CTNNA1: variants seen among roughly 807,000 people sequenced by gnomAD.
CTNNA1 encodes catenin alpha-1.
Under a neutral mutation model 98.4 loss-of-function variants are expected in CTNNA1, and 37 were observed. The ratio of observed to expected loss-of-function variants is 0.38; its 90% CI spans 0.29 to 0.49. The LOEUF is 0.49. Among genes scored for constraint, CTNNA1 ranks in the 20% least tolerant of loss-of-function variants. The pLI, the probability that CTNNA1 is intolerant of heterozygous loss-of-function variation, is 0.95. For missense variants in CTNNA1, 761 were observed against 1,147.2 expected (o/e 0.66, Z 4.86); for synonymous variants, 404 against 413.2 (o/e 0.98, Z 0.27).
At chr5:138,808,695 TA>T (rs3840113) in intron 3 of CTNNA1, among the ~76,000 whole-genome samples, 15 of 147,008 alleles carry the variant, frequency 1.0e-4, no homozygotes, top group East Asian at 4.0e-4. Context: ...GAAAGTGCCT[TA>T]AAAAAAAAAA....
chr5:138,772,642 A>C (rs1482001124), intron 1 of CTNNA1, among the ~76,000 whole-genome samples: 1 of 152,230 alleles, frequency 6.6e-6, no homozygotes, highest in Non-Finnish European at 1.5e-5. Context: ...GGATATAAAG[A>C]AACATAGGCA....
At chr5:138,820,243 G>C (rs145877403) in intron 5 of CTNNA1, among the ~76,000 whole-genome samples, 38 of 152,076 alleles carry the variant, frequency 2.5e-4, no homozygotes, top group African/African-American at 8.4e-4. Context: ...CCAATTGGTT[G>C]TGATAGTTTG....
chr5:138,770,077 C>T (rs1007116064), intron 1 of CTNNA1, among the ~76,000 whole-genome samples: 8 of 152,080 alleles, frequency 5.3e-5, no homozygotes, highest in South Asian at 4.1e-4. Flanking sequence ...TCAAGTGATC[C>T]GCCTGCCTTG....
At chr5:138,849,113 A>G (rs376150338) in intron 7 of CTNNA1, among the ~76,000 whole-genome samples, 441 of 152,296 alleles carry the variant, frequency 2.9e-3, no homozygotes, top group African/African-American at 0.01. Flanking sequence ...TGAGTTTTGT[A>G]TAGGCATCTC....
intron 10 of CTNNA1, among the ~76,000 whole-genome samples, chr5:138,917,536 TTTG>T (rs2150232095): frequency 1.0e-5 from 1 of 95,246 alleles, no homozygotes; most frequent in South Asian, 3.7e-4. Flanking sequence ...ACAGTTTTTA[TTTG>T]TTTTATCATT....
chr5:138,807,149 T>C (rs776790383), intron 3 of CTNNA1, among the ~76,000 whole-genome samples: 3 of 151,936 alleles, frequency 2.0e-5, no homozygotes, highest in Non-Finnish European at 4.4e-5. Context: ...TAACTGGGAT[T>C]ACAGGCACCT....
intron 13 of CTNNA1, 21 bp downstream of exon 13, chr5:138,925,428 C>T (rs761655211): frequency 2.2e-5 from 36 of 1,609,306 alleles, no homozygotes; most frequent in South Asian, 4.4e-5. Flanking sequence ...GCATTTCAGA[C>T]GTCTTAACAG....
chr5:138,895,459 A>AT (rs938016682), intron 9 of CTNNA1, among the ~76,000 whole-genome samples: 3 of 149,076 alleles, frequency 2.0e-5, no homozygotes, highest in South Asian at 2.1e-4. Flanking sequence ...AAATTTGGAG[A>AT]TTTTTTTTGA....
intron 9 of CTNNA1, among the ~76,000 whole-genome samples, chr5:138,894,644 A>G (rs1170823711): frequency 7.9e-6 from 1 of 127,196 alleles, no homozygotes; most frequent in Non-Finnish European, 1.7e-5. Context: ...CAGCCTCCTG[A>G]TTATGATTAT....
chr5:138,879,947 C>T (rs1752533979), intron 7 of CTNNA1, among the ~76,000 whole-genome samples: 1 of 152,152 alleles, frequency 6.6e-6, no homozygotes, highest in African/African-American at 2.4e-5. Context: ...GGGGAAGTTT[C>T]AGGGTCAGAA....
chr5:138,893,072 C>G (rs931173695), intron 9 of CTNNA1, among the ~76,000 whole-genome samples: 5 of 152,176 alleles, frequency 3.3e-5, no homozygotes, highest in African/African-American at 1.2e-4. Context: ...GGCTCTTGTA[C>G]TTTTGTTGAT....
At chr5:138,863,383 G>A (rs1387919189) in intron 7 of CTNNA1, among the ~76,000 whole-genome samples, 1 of 151,994 alleles carries the variant, frequency 6.6e-6, no homozygotes, top group Non-Finnish European at 1.5e-5. Flanking sequence ...CTACAGGCAA[G>A]TGTCACTACA....
chr5:138,930,568 G>T lies in CTNNA1; in HGVS notation c.2106G>T (p.Val702=), dbSNP rs1304220742. 1 of 1,613,930 alleles carries T rather than the reference G, an allele frequency of 6.2e-7. No individual in the cohort carries two copies. Among genetic ancestry groups the T allele is most frequent in the African/African-American group, 1.3e-5 (1 of 74,902 alleles). The change falls in exon 15 of 18, where the codon GTG becomes GTT. Residue 702 remains valine (V), a synonymous_variant. Transcript: ENST00000302763. ...QEEKSKLDAE[V]SKWDDSGNDI... ...AAAAGAGCAAGCTGGATGCTGAAGT[G>T]TCCAAATGGGACGACAGTGGCAATG... is the stretch of plus-strand genomic sequence containing the variant.
intron 6 of CTNNA1, among the ~76,000 whole-genome samples, chr5:138,826,815 A>G (rs1040449778): frequency 6.6e-6 from 1 of 152,204 alleles, no homozygotes; most frequent in African/African-American, 2.4e-5. Flanking sequence ...ATATATTTTA[A>G]GAGACAAAGT....
At chr5:138,903,618 C>G (rs879503437) in intron 9 of CTNNA1, among the ~76,000 whole-genome samples, 2 of 152,188 alleles carry the variant, frequency 1.3e-5, no homozygotes, top group African/African-American at 4.8e-5. Context: ...TTCCTGGCCA[C>G]GTGAGCTGTA....
In CTNNA1 at chr5:138,812,208, G is replaced by A; in HGVS notation, c.494G>A (p.Arg165Lys). 1 of 1,613,698 alleles carries A rather than the reference G, an allele frequency of 6.2e-7. No individual in the cohort carries two copies. The highest frequency in any genetic ancestry group is 8.5e-7 in the Non-Finnish European group (1 of 1,179,826). Residue 165 changes from arginine (R) to lysine (K), a missense_variant, in exon 5 of 18, where the codon AGG becomes AAG. Arg to Lys is a conservative substitution (Grantham distance 26). This residue lies in a region of CTNNA1 where 328 missense variants were observed against 354.3 expected (regional missense o/e 0.93). Transcript: ENST00000302763. ...GTGGAAGATGGTATCTTGAAGTTGA[G>A]GAATGCTGGCAATGAACAAGACTTA... ...KVVEDGILKL[R>K]NAGNEQDLGI...
chr5:138,880,763 A>G lies in CTNNA1; in HGVS notation c.1063-5449A>G, dbSNP rs562280609. ...GATACCCGTTCATACTTACTTGAAG[A>G]ATCGTTCAATTTTAGTGGACTCTCT... On this transcript the variant is annotated intron_variant, in intron 7 of 17. Transcript: ENST00000302763. 1.1e-3 allele frequency: 321 copies of G among 296,808 alleles called. 1 individual carries two copies. Among genetic ancestry groups the G allele is most frequent in the African/African-American group, 6.5e-3 (300 of 46,046 alleles). The allele number at this position is 296,808 out of a possible 1,614,324, so 18.4% of individuals were successfully genotyped here. A position where few individuals can be genotyped will look rare whatever the true frequency, so the allele number is the denominator to read the frequency against.
chr5:138,902,719 C>T (rs114949788), intron 9 of CTNNA1, among the ~76,000 whole-genome samples: 1,699 of 152,252 alleles, frequency 0.011, 27 homozygotes, highest in African/African-American at 0.039. Flanking sequence ...GTGCCCGGTA[C>T]ACCAGCGATC....
chr5:138,886,125 G>C (rs867060063), intron 7 of CTNNA1, 87 bp from the exon 8 acceptor site: 7 of 1,430,204 alleles, frequency 4.9e-6, no homozygotes, highest in Middle Eastern at 3.7e-4. Flanking sequence ...TGCTTTTTCA[G>C]TGTTGACATG....
Sources: gnomAD v4.1 joint callset for allele counts (sites outside exome capture counted in the v4.1 genomes callset) on GRCh38, gnomAD v4.1.1 for gene constraint, gnomAD v4.1.1 regional missense constraint, MANE v1.5 for transcripts, NCBI Gene and HGNC (gene_info 2026-07-23, HGNC 2026-07-21) for gene names.